The following FDFT1 variants were observed in gnomAD, a reference collection of about 807,000 sequenced individuals.
FDFT1 encodes farnesyl-diphosphate farnesyltransferase 1.
A neutral mutation model predicts 46.8 loss-of-function variants in FDFT1; 68 were observed. The observed-to-expected ratio is 1.45, with a 90% CI of 1.19 to 1.78. The LOEUF is 1.78. Among genes scored for constraint, FDFT1 ranks in the 40% most tolerant of loss-of-function variants. The pLI, the probability that FDFT1 is intolerant of heterozygous loss-of-function variation, is 0.00. For missense variants in FDFT1, 928 were observed against 524.4 expected (o/e 1.77, Z -7.52); for synonymous variants, 351 against 185.1 (o/e 1.90, Z -7.28).
chr8:11,838,564 T>A lies in FDFT1; in HGVS notation c.1209T>A (p.Thr403=), dbSNP rs778076297. The change falls in exon 8 of 8, where the codon ACT becomes ACA. Residue 403 remains threonine, a synonymous_variant. Transcript: ENST00000220584. Reference sequence around the variant, plus strand: ...CCCTGAGCTGGCAGTACCTGACCACTCTCTCCCAGGTAACAGAAGACTATG... The same window carrying A: ...CCCTGAGCTGGCAGTACCTGACCACACTCTCCCAGGTAACAGAAGACTATG... The part of the protein sequence containing the change: ...LAALSWQYLT[T]LSQVTEDYVQ... 12 of 1,613,526 alleles carry A rather than the reference T, an allele frequency of 7.4e-6. No homozygotes were observed. Among genetic ancestry groups the A allele is most frequent in the East Asian group, 4.5e-5 (2 of 44,882 alleles).
intron 4 of FDFT1, among the ~76,000 whole-genome samples, chr8:11,823,609 CTG>C (rs538196316): frequency 2.2e-4 from 34 of 152,170 alleles, no homozygotes; most frequent in African/African-American, 8.2e-4. Flanking sequence ...GGGTCTCACT[CTG>C]TCACCCAGAC....
At chr8:11,798,851 G>A (rs749908077), upstream of FDFT1, among the ~76,000 whole-genome samples, 1 of 152,166 alleles carries the variant, frequency 6.6e-6, no homozygotes, top group Non-Finnish European at 1.5e-5. Flanking sequence ...GATTTCTAGT[G>A]TTGACTTAAA....
intron 3 of FDFT1, among the ~76,000 whole-genome samples, chr8:11,818,957 T>G (rs903844334): frequency 6.6e-6 from 1 of 152,242 alleles, no homozygotes; most frequent in African/African-American, 2.4e-5. Context: ...TCGATGGTCT[T>G]TACAATTTGG....
chr8:11,797,917 G>A (rs1249387146), upstream of FDFT1: 1 of 152,230 alleles, frequency 6.6e-6, no homozygotes, highest in African/African-American at 2.4e-5. Flanking sequence ...AAGAATGGGT[G>A]GACAGGAGGC....
chr8:11,807,176 T>C (rs2130702430), intron 1 of FDFT1, among the ~76,000 whole-genome samples: 1 of 152,302 alleles, frequency 6.6e-6, no homozygotes, highest in African/African-American at 2.4e-5. Context: ...TTTTTTGAGA[T>C]GGGGTCCCAC....
intron 5 of FDFT1, among the ~76,000 whole-genome samples, chr8:11,826,419 A>C (rs1286106564): frequency 6.6e-6 from 1 of 152,226 alleles, no homozygotes; most frequent in Non-Finnish European, 1.5e-5. Context: ...TAATCAGTAT[A>C]TTCAAGCCTT....
intron 3 of FDFT1, among the ~76,000 whole-genome samples, chr8:11,813,009 G>T (rs1807949802): frequency 6.6e-6 from 1 of 150,594 alleles, no homozygotes; most frequent in Non-Finnish European, 1.5e-5. Context: ...AGCTACTACA[G>T]ACGTAGGCTC....
chr8:11,823,277 C>T (rs549299153), intron 4 of FDFT1, among the ~76,000 whole-genome samples: 1 of 152,054 alleles, frequency 6.6e-6, no homozygotes, highest in Non-Finnish European at 1.5e-5. Context: ...TTTTCTTCTA[C>T]TTTGGGGGAA....
At chr8:11,801,729 T>G, upstream of FDFT1, 1 of 331,150 alleles carries the variant, frequency 3.0e-6, no homozygotes, top group South Asian at 2.3e-5. Flanking sequence ...AGTCTTGCTC[T>G]GTTGGCCTGG....
rs1294381024 is a variant in FDFT1, at chr8:11,830,327, T to C, written c.786T>C (p.Leu262=). 1 of 1,613,426 alleles carries C rather than the reference T, an allele frequency of 6.2e-7. No individual in the cohort carries two copies. The highest frequency in any genetic ancestry group is 1.1e-5 in the South Asian group (1 of 91,052). The change falls in exon 6 of 8, where the codon CTT becomes CTC. Residue 262 remains leucine, a synonymous_variant. Coordinates refer to ENST00000220584, the MANE Select transcript of FDFT1 (RefSeq NM_004462.5). ...IDLAVQCLNE[L]ITNALHHIPD... is the part of the protein sequence containing the mutation. ...TGGCCGTGCAGTGCCTGAATGAACT[T>C]ATAACCAATGCACTGCACCACATCC...
upstream of FDFT1, among the ~76,000 whole-genome samples, chr8:11,798,858 T>TA (rs34611091): frequency 6.6e-6 from 1 of 152,228 alleles, no homozygotes; most frequent in African/African-American, 2.4e-5. Context: ...AGTGTTGACT[T>TA]AAAAAATATG....
chr8:11,799,660 C>G (rs897104475), upstream of FDFT1, among the ~76,000 whole-genome samples: 3 of 152,234 alleles, frequency 2.0e-5, no homozygotes, highest in African/African-American at 7.2e-5. Context: ...AGAAATAGCA[C>G]TTGTAGGCTG....
At chr8:11,806,950 T>C (rs1806924041) in intron 1 of FDFT1, among the ~76,000 whole-genome samples, 1 of 152,214 alleles carries the variant, frequency 6.6e-6, no homozygotes, top group South Asian at 2.1e-4. Context: ...GGCAATAAAA[T>C]GACTTTTTCA....
chr8:11,825,515 A>G (rs866260870), intron 4 of FDFT1, among the ~76,000 whole-genome samples: 1 of 146,148 alleles, frequency 6.8e-6, no homozygotes, highest in Non-Finnish European at 1.5e-5. Context: ...ACTCCAGCCC[A>G]GGGGACAAAG....
At chr8:11,833,085 G>A (rs549247912) in intron 7 of FDFT1, among the ~76,000 whole-genome samples, 11 of 152,192 alleles carry the variant, frequency 7.2e-5, no homozygotes, top group Non-Finnish European at 1.3e-4. Context: ...AGGCACCTAT[G>A]GAAGTCTAAG....
At chr8:11,804,868 C>A (rs376588263) in intron 1 of FDFT1, among the ~76,000 whole-genome samples, 2 of 149,888 alleles carry the variant, frequency 1.3e-5, no homozygotes, top group Admixed American at 6.6e-5. Context: ...CTTGGTCTCC[C>A]AAAGTGCTAG....
chr8:11,799,474 G>A (rs942534823), upstream of FDFT1, among the ~76,000 whole-genome samples: 3 of 152,160 alleles, frequency 2.0e-5, no homozygotes, highest in Non-Finnish European at 4.4e-5. Context: ...ATGGCCTTAG[G>A]TCCTGTTTAT....
At chr8:11,814,236 G>C (rs73207277) in intron 3 of FDFT1, among the ~76,000 whole-genome samples, 1 of 151,138 alleles carries the variant, frequency 6.6e-6, no homozygotes, top group Admixed American at 6.6e-5. Flanking sequence ...ACATTGGCTT[G>C]AACAGCTGTT....
At position 11,821,655 on chromosome 8, in the gene FDFT1, G is replaced by C. The variant is rs181015772; in HGVS notation, c.382-95G>C. The C allele has an allele frequency of 2.8e-6, 4 of 1,423,396 alleles. No homozygotes were observed. In the Admixed American group the frequency reaches 5.1e-5, roughly 18 times the overall value. The allele number at this position is 1,423,396 out of a possible 1,614,324, so 88.2% of individuals were successfully genotyped here. A position where few individuals can be genotyped will look rare whatever the true frequency, so the allele number is the denominator to read the frequency against. ...TTAGGCTTATAGATGAACCATTGCA[G>C]TCATGATTAATTCCGCCATTGTTTG... is the stretch of plus-strand genomic sequence containing the variant. On this transcript the variant is annotated intron_variant, in intron 3 of 7. Transcript: ENST00000220584.
Sources: gnomAD v4.1 joint callset for allele counts (sites outside exome capture counted in the v4.1 genomes callset) on GRCh38, gnomAD v4.1.1 for gene constraint, MANE v1.5 for transcripts, NCBI Gene and HGNC (gene_info 2026-07-23, HGNC 2026-07-21) for gene names.